Variants in KCNQ1 observed in about 807,000 individuals in gnomAD.
The protein encoded by KCNQ1 is potassium voltage-gated channel subfamily KQT member 1.
In KCNQ1, 49 loss-of-function variants were observed where a neutral mutation model predicts 72.4. The ratio of observed to expected loss-of-function variants is 0.68; its 90% CI spans 0.54 to 0.86. The LOEUF (loss-of-function observed/expected upper bound fraction) is 0.86. KCNQ1 is among the 40% of genes least tolerant of loss of function. The probability of loss-of-function intolerance (pLI) is 0.00; values close to 1 mark genes in which losing one functional copy is unlikely to be tolerated. For missense variants in KCNQ1, 790 were observed against 945.1 expected, an observed-to-expected ratio of 0.84 and a Z score of 2.15; for synonymous variants, 450 against 412.6, an observed-to-expected ratio of 1.09 and a Z score of -1.10.
chr11:2,801,195 TC>T (rs1294964815), intron 15 of KCNQ1, among the ~76,000 whole-genome samples: 4 of 152,132 alleles, frequency 2.6e-5, no homozygotes, highest in African/African-American at 9.7e-5. Context: ...GCTCCCCAGT[TC>T]CAACAGGATA....
At chr11:2,552,735 A>C (rs1210064512) in intron 2 of KCNQ1, among the ~76,000 whole-genome samples, 1 of 150,276 alleles carries the variant, frequency 6.7e-6, no homozygotes, top group Non-Finnish European at 1.5e-5. Flanking sequence ...AGTAATACCG[A>C]GTTTTCCGAT....
Position 2,677,794 on chromosome 11 carries a change from G to A in KCNQ1, c.1514+15713G>A. The A allele has an allele frequency of 2.5e-6, 1 of 398,404 alleles. No individual in the cohort carries two copies. The highest frequency in any genetic ancestry group is 4.4e-6 in the Non-Finnish European group (1 of 226,018). 24.7% of individuals were successfully genotyped at this position (398,404 alleles called of 1,614,324 possible). On this transcript the variant is annotated intron_variant, in intron 11 of 15. Coordinates refer to ENST00000155840, the MANE Select transcript of KCNQ1 (RefSeq NM_000218.3). This position sits in a 1 kb window ranked among gnomAD's most constrained non-coding sequence, Gnocchi z 4.5. ...CCTCCCTTTCCCCCCATTTCCAGCA[G>A]GATTAAAATGTTCATTTATGTTGTG...
rs1274720982 is a variant in KCNQ1 at position 2,813,315 on chromosome 11, G to C, written c.1795-34452G>C. ...TCTGATGCCCAGGGCTCATTCAAGG[G>C]CATCTGCCCTGTGTCCTCATGCACC... is the stretch of plus-strand genomic sequence containing the variant. On this transcript the variant is annotated intron_variant, in intron 15 of 15. Coordinates refer to ENST00000155840, the MANE Select transcript of KCNQ1 (RefSeq NM_000218.3). This position sits in a 1 kb window ranked among gnomAD's most constrained non-coding sequence, Gnocchi z 4.4. Among the ~76,000 whole-genome samples the C allele has an allele frequency of 1.3e-5, 2 of 152,178 alleles. No individual in the cohort carries two copies. Among genetic ancestry groups the C allele is most frequent in the African/African-American group, 2.4e-5 (1 of 41,430 alleles).
At position 2,827,505 on chromosome 11, in the gene KCNQ1, C is replaced by T. The variant is rs1057500274; in HGVS notation, c.1795-20262C>T. On this transcript the variant is annotated intron_variant, in intron 15 of 15. Coordinates refer to ENST00000155840, the MANE Select transcript of KCNQ1 (RefSeq NM_000218.3). The surrounding 1 kb of genome is among the most constrained non-coding windows in gnomAD (Gnocchi z 6.7). ...TACACAGAAGCGGCCCACGTCATCCCCCTTTCTGTCCACCCGCCGGAATGT... is the reference window on the plus strand; with the variant it reads ...TACACAGAAGCGGCCCACGTCATCCTCCTTTCTGTCCACCCGCCGGAATGT... Among the ~76,000 whole-genome samples, 1 of 152,064 alleles carries T rather than the reference C, an allele frequency of 6.6e-6. No individual in the cohort carries two copies. Among genetic ancestry groups the T allele is most frequent in the African/African-American group, 2.4e-5 (1 of 41,416 alleles).
chr11:2,487,561 G>A (rs990209343), intron 1 of KCNQ1, among the ~76,000 whole-genome samples: 1 of 152,002 alleles, frequency 6.6e-6, no homozygotes, highest in Non-Finnish European at 1.5e-5. Context: ...ATGTTTTGTG[G>A]GTTTTGCTGC....
intron 10 of KCNQ1, chr11:2,636,582 T>C (rs1482090270): frequency 6.6e-6 from 1 of 152,084 alleles, no homozygotes; most frequent in Non-Finnish European, 1.5e-5. Flanking sequence ...CTGGATTCGG[T>C]TTGCCAGTAT....
Position 2,538,979 on chromosome 11 carries a change from C to A in KCNQ1, c.477+10961C>A, listed in dbSNP as rs1407741305. On this transcript the variant is annotated intron_variant, in intron 2 of 15. Transcript: ENST00000155840. The surrounding 1 kb of genome is among the most constrained non-coding windows in gnomAD (Gnocchi z 6.7). ...GGAACCACCAGTCAGCGTCTTTCCTCCAGGGAGGCTGTGCAGAGGGAAGGC... is the reference window on the plus strand; with the variant it reads ...GGAACCACCAGTCAGCGTCTTTCCTACAGGGAGGCTGTGCAGAGGGAAGGC... Among the ~76,000 whole-genome samples the A allele has an allele frequency of 6.6e-6, 1 of 152,190 alleles. No individual in the cohort carries two copies. Among genetic ancestry groups the A allele is most frequent in the Non-Finnish European group, 1.5e-5 (1 of 68,028 alleles).
In KCNQ1 at chr11:2,709,843, A is replaced by T. The variant is rs547187839; in HGVS notation, c.1514+47762A>T. Among the ~76,000 whole-genome samples the T allele has an allele frequency of 5.9e-5, 9 of 152,214 alleles. 1 individual carries two copies. The highest frequency in any genetic ancestry group is 4.6e-4 in the Admixed American group (7 of 15,284). Reference sequence around the variant, plus strand: ...TCATTCCTTTTTAGGGCCAAATAATATGCCATTTTATGGATATTATCACAT... The same window carrying T: ...TCATTCCTTTTTAGGGCCAAATAATTTGCCATTTTATGGATATTATCACAT... On this transcript the variant is annotated intron_variant, in intron 11 of 15. Transcript: ENST00000155840.
intron 15 of KCNQ1, among the ~76,000 whole-genome samples, chr11:2,797,420 C>T (rs377081760): frequency 1.9e-4 from 29 of 152,342 alleles, no homozygotes; most frequent in African/African-American, 3.6e-4. Context: ...GGGCTCTCAG[C>T]GATGCCAGCT....
chr11:2,575,553 T>C (rs1848410907), intron 6 of KCNQ1, among the ~76,000 whole-genome samples: 1 of 152,192 alleles, frequency 6.6e-6, no homozygotes, highest in East Asian at 1.9e-4. Flanking sequence ...GTTTTGCCAA[T>C]TTGCAACTGC....
intron 1 of KCNQ1, among the ~76,000 whole-genome samples, chr11:2,485,709 C>T (rs756687133): frequency 6.6e-6 from 1 of 152,172 alleles, no homozygotes; most frequent in Non-Finnish European, 1.5e-5. Context: ...TTCCCCAGCC[C>T]CTGGCACCTA....
At chr11:2,736,740 T>A (rs1219862256) in intron 11 of KCNQ1, among the ~76,000 whole-genome samples, 1 of 152,232 alleles carries the variant, frequency 6.6e-6, no homozygotes, top group African/African-American at 2.4e-5. Flanking sequence ...CACCTGCGCA[T>A]CTGCAGCTGG....
chr11:2,670,301 T>A lies in KCNQ1; in HGVS notation c.1514+8220T>A. 1 of 398,596 alleles carries A rather than the reference T, an allele frequency of 2.5e-6. No homozygotes were observed. The highest frequency in any genetic ancestry group is 1.3e-4 in the South Asian group (1 of 7,860). 24.7% of individuals were successfully genotyped at this position (398,596 alleles called of 1,614,324 possible). A position where few individuals can be genotyped will look rare whatever the true frequency, so the allele number is the denominator to read the frequency against. ...CTCTAGGCAACCCATAGGTGCCCAA[T>A]GGAGAGATAATCTCAAATATGGTAG... On this transcript the variant is annotated intron_variant, in intron 11 of 15. Coordinates refer to ENST00000155840, the MANE Select transcript of KCNQ1 (RefSeq NM_000218.3). This position sits in a 1 kb window ranked among gnomAD's most constrained non-coding sequence, Gnocchi z 4.9.
At chr11:2,789,039 G>A (rs560541123) in intron 15 of KCNQ1, among the ~76,000 whole-genome samples, 96 of 152,188 alleles carry the variant, frequency 6.3e-4, no homozygotes, top group Non-Finnish European at 1.1e-3. Flanking sequence ...GCCAGGGACC[G>A]AGGCCCCGTA....
rs940333141 is a variant in KCNQ1 at position 2,663,817 on chromosome 11, C to T, written c.1514+1736C>T. On this transcript the variant is annotated intron_variant, in intron 11 of 15. Transcript: ENST00000155840. This position sits in a 1 kb window ranked among gnomAD's most constrained non-coding sequence, Gnocchi z 5.2. ...ATCACCACTATGGGGGTGAGGGCTG[C>T]CAGTGCTGGTATCAGCACATGCCAA... 14 of 398,388 alleles carry T rather than the reference C, an allele frequency of 3.5e-5. No individual in the cohort carries two copies. The highest frequency in any genetic ancestry group is 5.3e-5 in the Non-Finnish European group (12 of 226,062). 24.7% of individuals were successfully genotyped at this position (398,388 alleles called of 1,614,324 possible).
intron 11 of KCNQ1, among the ~76,000 whole-genome samples, chr11:2,702,860 A>T (rs564905619): frequency 1.3e-5 from 2 of 152,098 alleles, no homozygotes; most frequent in Non-Finnish European, 2.9e-5. Context: ...TCTGTGTCCT[A>T]TGTCCTCTGC....
intron 11 of KCNQ1, among the ~76,000 whole-genome samples, chr11:2,754,368 T>C (rs1467270560): frequency 6.6e-6 from 1 of 152,226 alleles, no homozygotes; most frequent in African/African-American, 2.4e-5. Flanking sequence ...CAGTGGGTTT[T>C]TCAGGGAACT....
rs553862940 is a variant in KCNQ1, at chr11:2,513,118, C to T, written c.387-14810C>T. On this transcript the variant is annotated intron_variant, in intron 1 of 15. Coordinates refer to ENST00000155840, the MANE Select transcript of KCNQ1 (RefSeq NM_000218.3). Reference sequence around the variant, plus strand: ...TGATGCTGTGCTGCGCTCTGGGCCACCAGGTCTTGTCTGGGGGGAATCCTG... The same window carrying T: ...TGATGCTGTGCTGCGCTCTGGGCCATCAGGTCTTGTCTGGGGGGAATCCTG... 2.1e-3 allele frequency among the ~76,000 whole-genome samples: 321 copies of T among 152,078 alleles called. 2 individuals carry two copies. Among genetic ancestry groups the T allele is most frequent in the Non-Finnish European group, 3.8e-3 (259 of 67,998 alleles).
chr11:2,840,966 T>TTCTAGGC (rs1848197056), intron 15 of KCNQ1, among the ~76,000 whole-genome samples: 1 of 151,824 alleles, frequency 6.6e-6, no homozygotes, highest in Non-Finnish European at 1.5e-5. Flanking sequence ...ACTGGGCACC[T>TTCTAGGC]TCTAGGCTCC....
Sources: gnomAD v4.1 joint callset for allele counts (sites outside exome capture counted in the v4.1 genomes callset) on GRCh38, gnomAD v4.1.1 for gene constraint, Gnocchi (gnomAD v3.1) non-coding constraint, MANE v1.5 for transcripts, NCBI Gene and HGNC (gene_info 2026-07-23, HGNC 2026-07-21) for gene names.